Variants in ESRRG observed in about 807,000 individuals in gnomAD.
ESRRG encodes the protein estrogen-related receptor gamma.
A neutral mutation model predicts 44.0 loss-of-function variants in ESRRG; 13 were observed. That is an observed-to-expected ratio of 0.30 (90% CI 0.19 to 0.47). ESRRG has a LOEUF of 0.47. Among genes scored for constraint, ESRRG ranks in the 20% least tolerant of loss-of-function variants. The pLI is 1.00. For missense variants in ESRRG, 395 were observed against 580.6 expected (o/e 0.68, Z 3.29); for synonymous variants, 215 against 214.6 (o/e 1.00, Z -0.02).
chr1:216,717,654 T>C (rs970058121), intron 1 of ESRRG, among the ~76,000 whole-genome samples: 1 of 151,856 alleles, frequency 6.6e-6, no homozygotes, highest in Non-Finnish European at 1.5e-5. Context: ...ATTGCATAAG[T>C]GCTTTCTCTC....
intron 1 of ESRRG, among the ~76,000 whole-genome samples, chr1:217,030,959 T>C (rs2081979570): frequency 6.6e-6 from 1 of 152,264 alleles, no homozygotes; most frequent in Admixed American, 6.5e-5. Context: ...TGTTTATTTT[T>C]ACTTTTTAAA....
intron 1 of ESRRG, among the ~76,000 whole-genome samples, chr1:217,026,857 A>AC (rs1217112724): frequency 7.0e-6 from 1 of 143,654 alleles, no homozygotes. Context: ...TGAGAACCCC[A>AC]CCCCCGACCA....
intron 2 of ESRRG, among the ~76,000 whole-genome samples, chr1:216,890,334 G>A (rs1363044899): frequency 6.6e-6 from 1 of 152,138 alleles, no homozygotes; most frequent in Non-Finnish European, 1.5e-5. Flanking sequence ...AATTTGTTGA[G>A]TTGGGGTGTT....
At chr1:216,817,643 T>A (rs1443424165) in intron 2 of ESRRG, among the ~76,000 whole-genome samples, 1 of 152,208 alleles carries the variant, frequency 6.6e-6, no homozygotes, top group African/African-American at 2.4e-5. Flanking sequence ...ATTTCATGCA[T>A]TTTTTATTTA....
intron 1 of ESRRG, among the ~76,000 whole-genome samples, chr1:217,103,478 T>C (rs2092547519): frequency 6.8e-6 from 1 of 146,954 alleles, no homozygotes; most frequent in Non-Finnish European, 1.5e-5. Flanking sequence ...ATACCTCATC[T>C]CTACAAAAAA....
At chr1:216,937,526 A>T (rs539174604) in intron 2 of ESRRG, among the ~76,000 whole-genome samples, 52 of 152,292 alleles carry the variant, frequency 3.4e-4, no homozygotes, top group African/African-American at 1.2e-3. Context: ...GTGACAGATG[A>T]TATCTGTTTT....
At chr1:216,736,332 C>T (rs1246538289) in intron 2 of ESRRG, among the ~76,000 whole-genome samples, 1 of 151,740 alleles carries the variant, frequency 6.6e-6, no homozygotes, top group East Asian at 2.0e-4. Flanking sequence ...TACAGCCGTC[C>T]GCCACCACGC....
At chr1:216,820,665 T>C (rs1484658352) in intron 2 of ESRRG, among the ~76,000 whole-genome samples, 2 of 152,218 alleles carry the variant, frequency 1.3e-5, no homozygotes, top group Admixed American at 6.5e-5. Context: ...GCTGAGTATA[T>C]CCAGCCTTTG....
chr1:216,793,752 G>GT (rs1309478531), intron 2 of ESRRG, among the ~76,000 whole-genome samples: 1 of 152,078 alleles, frequency 6.6e-6, no homozygotes, highest in Non-Finnish European at 1.5e-5. Context: ...GGTACTATAG[G>GT]TTTTTGTTTT....
At chr1:216,513,064 C>T (rs1385966207) in intron 6 of ESRRG, among the ~76,000 whole-genome samples, 2 of 152,136 alleles carry the variant, frequency 1.3e-5, no homozygotes, top group African/African-American at 2.4e-5. Context: ...CGACGTTTGA[C>T]ATCCAGAACT....
intron 2 of ESRRG, among the ~76,000 whole-genome samples, chr1:216,933,777 T>C (rs2063708322): frequency 1.3e-5 from 2 of 152,206 alleles, no homozygotes; most frequent in South Asian, 4.1e-4. Context: ...ATTCTCTTAG[T>C]AAGAACAGGC....
At chr1:216,754,102 T>C (rs1055253153) in intron 2 of ESRRG, among the ~76,000 whole-genome samples, 1 of 152,000 alleles carries the variant, frequency 6.6e-6, no homozygotes, top group African/African-American at 2.4e-5. Context: ...CTTTCAAAAG[T>C]AACTTAATGG....
At chr1:216,531,027 G>GA (rs1191979954) in intron 5 of ESRRG, among the ~76,000 whole-genome samples, 5 of 152,030 alleles carry the variant, frequency 3.3e-5, no homozygotes, top group East Asian at 3.9e-4. Context: ...AGGAGAGGCA[G>GA]AAAAAACAAA....
chr1:216,748,369 T>G (rs190600835), intron 2 of ESRRG, among the ~76,000 whole-genome samples: 1 of 152,214 alleles, frequency 6.6e-6, no homozygotes, highest in Non-Finnish European at 1.5e-5. Context: ...AAGTCAAATG[T>G]TTTCCCAACT....
intron 1 of ESRRG, among the ~76,000 whole-genome samples, chr1:217,021,800 C>T (rs1560499960): frequency 1.3e-5 from 2 of 152,206 alleles, no homozygotes; most frequent in Admixed American, 6.5e-5. Flanking sequence ...ACTTAGCATC[C>T]TTTGTGCAAT....
At chr1:216,869,493 GTT>G (rs1650244116) in intron 2 of ESRRG, among the ~76,000 whole-genome samples, 1 of 152,056 alleles carries the variant, frequency 6.6e-6, no homozygotes, top group Non-Finnish European at 1.5e-5. Context: ...ATTCCTTTAA[GTT>G]TATTCTTTTT....
intron 3 of ESRRG, among the ~76,000 whole-genome samples, chr1:216,646,337 G>A (rs1470672672): frequency 6.6e-6 from 1 of 152,124 alleles, no homozygotes; most frequent in Non-Finnish European, 1.5e-5. Flanking sequence ...CCTTGGGTTG[G>A]TCTAGCAAGT....
chr1:217,088,345 T>C (rs940120181), intron 1 of ESRRG, among the ~76,000 whole-genome samples: 2 of 151,416 alleles, frequency 1.3e-5, no homozygotes, highest in Non-Finnish European at 2.9e-5. Flanking sequence ...GGAGGTCATA[T>C]GGACCTAACA....
At chr1:216,545,630 G>A (rs1378737730) in intron 5 of ESRRG, among the ~76,000 whole-genome samples, 11 of 152,040 alleles carry the variant, frequency 7.2e-5, no homozygotes, top group African/African-American at 2.2e-4. Flanking sequence ...ATAAGAAATT[G>A]TTTGATGAAT....
Sources: allele counts gnomAD v4.1 joint callset (sites outside exome capture counted in the v4.1 genomes callset), GRCh38; gene constraint gnomAD v4.1.1; transcripts MANE v1.5; gene names NCBI Gene and HGNC (gene_info 2026-07-23, HGNC 2026-07-21).